Variants in AFG1L observed in about 807,000 individuals in gnomAD.
AFG1L encodes the protein AFG1-like ATPase.
Under a neutral mutation model 62.2 loss-of-function variants are expected in AFG1L, and 53 were observed. The observed-to-expected ratio is 0.85, with a 90% CI of 0.68 to 1.07. The LOEUF is 1.07. AFG1L is among the 50% of genes least tolerant of loss of function. AFG1L has a pLI of 0.00. For synonymous variants in AFG1L, 228 were observed against 210.3 expected (o/e 1.08, Z -0.73); for missense variants, 555 against 590.5 (o/e 0.94, Z 0.62).
chr6:108,299,242 C>T lies in AFG1L; in HGVS notation c.139+4024C>T, dbSNP rs148568310. 1.1e-3 allele frequency among the ~76,000 whole-genome samples: 152 copies of T among 140,740 alleles called. 1 individual carries two copies. In the East Asian group the frequency reaches 0.013, roughly 12 times the overall value. 92.3% of individuals were successfully genotyped at this position (140,740 alleles called of 152,430 possible). A position where few individuals can be genotyped will look rare whatever the true frequency, so the allele number is the denominator to read the frequency against. On this transcript the variant is annotated intron_variant, in intron 1 of 12. Transcript: ENST00000368977. ...CACCACTGCGCTCCAGCCTGGGGGA[C>T]AGAGCAAGACTCCATCTCAAAAAAG...
In AFG1L at chr6:108,355,549, C is replaced by T. The variant is rs76161914; in HGVS notation, c.416-105C>T. ...AAGAAGTGACATAGTCTTCAGCTTC[C>T]TAGCGGAAGAGTATGGTTTCATTAT... On this transcript the variant is annotated intron_variant, in intron 3 of 12. Transcript: ENST00000368977. 4.3e-4 allele frequency: 233 copies of T among 540,430 alleles called. 2 individuals are homozygous for T. The East Asian group carries it at 6.6e-3, about 15-fold the overall frequency. 33.5% of individuals were successfully genotyped at this position (540,430 alleles called of 1,614,324 possible).
chr6:108,404,298 A>G (rs528445688), intron 7 of AFG1L, among the ~76,000 whole-genome samples: 2 of 152,300 alleles, frequency 1.3e-5, no homozygotes, highest in African/African-American at 4.8e-5. Flanking sequence ...AGGAAAAAGT[A>G]TATTGTAAAA....
At chr6:108,427,752 C>A (rs1770890918) in intron 7 of AFG1L, among the ~76,000 whole-genome samples, 1 of 151,978 alleles carries the variant, frequency 6.6e-6, no homozygotes. Context: ...GAACTCTTGA[C>A]CTCAAGTGAT....
chr6:108,461,017 C>T (rs1772445207), intron 8 of AFG1L, among the ~76,000 whole-genome samples: 1 of 152,232 alleles, frequency 6.6e-6, no homozygotes, highest in Non-Finnish European at 1.5e-5. Flanking sequence ...CTGTCTCAGC[C>T]TCTCATGTAG....
chr6:108,335,535 T>C (rs1414318306), intron 2 of AFG1L, among the ~76,000 whole-genome samples: 3 of 152,244 alleles, frequency 2.0e-5, no homozygotes, highest in Admixed American at 2.0e-4. Flanking sequence ...ACCCTGAAGA[T>C]GCCTGGAAGG....
intron 6 of AFG1L, among the ~76,000 whole-genome samples, chr6:108,394,909 A>G (rs1781223380): frequency 6.6e-6 from 1 of 152,148 alleles, no homozygotes; most frequent in African/African-American, 2.4e-5. Context: ...GTTTTTATCC[A>G]CCTTCCTCAG....
At chr6:108,482,096 GGTGATATTAACACATGC>G (rs1235045880) in intron 10 of AFG1L, among the ~76,000 whole-genome samples, 3 of 152,162 alleles carry the variant, frequency 2.0e-5, no homozygotes, top group Non-Finnish European at 4.4e-5. Context: ...TGAGATTGAT[GGTGATATTAACACATGC>G]AATGTTTTGA....
At chr6:108,334,092 C>T (rs1778383215) in intron 2 of AFG1L, among the ~76,000 whole-genome samples, 2 of 152,252 alleles carry the variant, frequency 1.3e-5, no homozygotes, top group South Asian at 4.1e-4. Context: ...ACTGTAACCT[C>T]TGCCTCCTGG....
chr6:108,311,295 C>T (rs1377068166), intron 1 of AFG1L, among the ~76,000 whole-genome samples: 3 of 152,152 alleles, frequency 2.0e-5, no homozygotes, highest in African/African-American at 4.8e-5. Context: ...TCCTTCCCTC[C>T]CTTTCCATGG....
intron 1 of AFG1L, among the ~76,000 whole-genome samples, chr6:108,319,224 A>G (rs1285762119): frequency 1.3e-5 from 2 of 152,192 alleles, no homozygotes; most frequent in Non-Finnish European, 2.9e-5. Flanking sequence ...AATAACTTTT[A>G]AACACTTTAA....
intron 8 of AFG1L, among the ~76,000 whole-genome samples, chr6:108,455,741 A>AT (rs1000814701): frequency 3.3e-5 from 5 of 151,970 alleles, no homozygotes; most frequent in East Asian, 1.9e-4. Context: ...ACGTTTGGTG[A>AT]TTTTTTTATA....
chr6:108,517,807 G>GA lies in AFG1L; in HGVS notation c.1204-1882dup, dbSNP rs538399404. On this transcript the variant is annotated intron_variant, in intron 11 of 12. Transcript: ENST00000368977. ...ACAATGAACTCAAACAAATTTACAA[G>GA]AAAAAAAACAACAAACCCATCAAAA... 1.7e-3 allele frequency among the ~76,000 whole-genome samples: 259 copies of GA among 151,690 alleles called. 2 individuals are homozygous for GA. The Middle Eastern group carries it at 0.041, about 24-fold the overall frequency.
At chr6:108,476,686 A>G (rs1236867388) in intron 8 of AFG1L, among the ~76,000 whole-genome samples, 179 bp from the exon 9 acceptor site, 3 of 152,266 alleles carry the variant, frequency 2.0e-5, no homozygotes, top group African/African-American at 7.2e-5. Flanking sequence ...AGGCAGAATC[A>G]TCTACCTGAG....
chr6:108,295,066 G>T lies in AFG1L; in HGVS notation c.-14G>T. 9 of 1,610,164 alleles carry T rather than the reference G, an allele frequency of 5.6e-6. No homozygotes were observed. Among genetic ancestry groups the T allele is most frequent in the Non-Finnish European group, 7.6e-6 (9 of 1,179,962 alleles). Reference sequence around the variant, plus strand: ...ATAAAGTTTTCCTCTTCCTCTCCTCGTACGGAGTTCAAGATGGCGGCCTCC... The same window carrying T: ...ATAAAGTTTTCCTCTTCCTCTCCTCTTACGGAGTTCAAGATGGCGGCCTCC... On this transcript the variant is annotated 5_prime_UTR_variant, in exon 1 of 13. Coordinates refer to ENST00000368977, the MANE Select transcript of AFG1L (RefSeq NM_145315.5).
chr6:108,366,708 C>T (rs1421747143), intron 6 of AFG1L, among the ~76,000 whole-genome samples: 2 of 151,670 alleles, frequency 1.3e-5, no homozygotes, highest in African/African-American at 2.4e-5. Context: ...AGAAAAAGAC[C>T]GAAAACTTGC....
At chr6:108,325,026 G>A (rs1284217590) in intron 2 of AFG1L, among the ~76,000 whole-genome samples, 1 of 152,098 alleles carries the variant, frequency 6.6e-6, no homozygotes, top group Admixed American at 6.6e-5. Context: ...CTTTTATGGT[G>A]TCCGTGCAGG....
Position 108,295,141 on chromosome 6 carries a change from G to A in AFG1L, c.62G>A (p.Gly21Glu). The change falls in exon 1 of 13, where the codon GGG becomes GAG. Residue 21 changes from glycine (G) to glutamate (E), a missense_variant. Physicochemically the swap from Gly to Glu is moderately conservative, Grantham distance 98. Transcript: ENST00000368977. ...LRPLAQSPLR[G>E]RCVGCGAWAA... ...CCCTTAGCACAGAGCCCGCTGAGAG[G>A]GAGATGTGTTGGGTGCGGGGCCTGG... 1.2e-6 allele frequency: 2 copies of A among 1,610,936 alleles called. No individual in the cohort carries two copies. The highest frequency in any genetic ancestry group is 1.7e-6 in the Non-Finnish European group (2 of 1,179,974).
chr6:108,441,020 G>A (rs1164029033), intron 7 of AFG1L, among the ~76,000 whole-genome samples: 1 of 152,102 alleles, frequency 6.6e-6, no homozygotes, highest in Non-Finnish European at 1.5e-5. Flanking sequence ...TTTTCCTCAT[G>A]TTCCAAATTT....
intron 1 of AFG1L, among the ~76,000 whole-genome samples, chr6:108,316,438 C>T (rs570724327): frequency 1.3e-5 from 2 of 150,148 alleles, no homozygotes; most frequent in African/African-American, 2.4e-5. Flanking sequence ...AAGGACTTGC[C>T]TCAGATTAAA....
Sources: gnomAD v4.1 joint callset for allele counts (sites outside exome capture counted in the v4.1 genomes callset) on GRCh38, gnomAD v4.1.1 for gene constraint, MANE v1.5 for transcripts, NCBI Gene and HGNC (gene_info 2026-07-23, HGNC 2026-07-21) for gene names.